Variants in SFXN5 observed in about 807,000 individuals in gnomAD.
The protein encoded by SFXN5 is sideroflexin-5.
In SFXN5, 43 loss-of-function variants were observed where a neutral mutation model predicts 50.2. The ratio of observed to expected loss-of-function variants is 0.86; its 90% CI spans 0.67 to 1.11. The LOEUF (loss-of-function observed/expected upper bound fraction) is 1.11, where lower values mean the gene tolerates loss of function less well. Among genes scored for constraint, SFXN5 ranks in the 50% least tolerant of loss-of-function variants. The pLI is 0.00. For synonymous variants in SFXN5, 203 were observed against 185.8 expected (o/e 1.09, Z -0.75); for missense variants, 463 against 454.1 (o/e 1.02, Z -0.18).
At chr2:73,059,197 G>A in intron 1 of SFXN5, 2 of 986,072 alleles carry the variant, frequency 2.0e-6, no homozygotes, top group Non-Finnish European at 2.4e-6. Flanking sequence ...GGAAAAGGAG[G>A]GCTTTATGCT....
Position 73,065,406 on chromosome 2 carries a change from A to AT in SFXN5, c.102+6197dup, listed in dbSNP as rs1023782636. ...ATGAGCCAACTGCACCTGGACAACAATTTTTTTTTTTGAGATAGAGTTTCG... is the reference window on the plus strand; with the variant it reads ...ATGAGCCAACTGCACCTGGACAACAATTTTTTTTTTTTGAGATAGAGTTTCG... On this transcript the variant is annotated intron_variant, in intron 1 of 13. Coordinates refer to ENST00000272433, the MANE Select transcript of SFXN5 (RefSeq NM_144579.3). 2.9e-4 allele frequency among the ~76,000 whole-genome samples: 41 copies of AT among 140,840 alleles called. No individual in the cohort carries two copies. In the South Asian group the frequency reaches 3.0e-3, roughly 10 times the overall value. 92.4% of individuals were successfully genotyped at this position (140,840 alleles called of 152,430 possible).
At chr2:73,061,351 GATGA>G (rs1682792343) in intron 1 of SFXN5, among the ~76,000 whole-genome samples, 1 of 150,722 alleles carries the variant, frequency 6.6e-6, no homozygotes, top group African/African-American at 2.4e-5. Flanking sequence ...TGTATTAGGA[GATGA>G]ATGAATACAA....
At chr2:72,957,117 C>T (rs1258386626) in intron 13 of SFXN5, 4 of 455,868 alleles carry the variant, frequency 8.8e-6, no homozygotes, top group African/African-American at 8.0e-5. Context: ...TAGTGGACCA[C>T]ATCCCCTTTC....
intron 2 of SFXN5, among the ~76,000 whole-genome samples, chr2:73,045,846 G>A (rs1010287452): frequency 1.6e-4 from 24 of 152,072 alleles, no homozygotes; most frequent in Admixed American, 3.9e-4. Context: ...GGTTCTACCT[G>A]TCTGTGCTGC....
At chr2:73,045,569 G>A (rs1374004609) in intron 2 of SFXN5, among the ~76,000 whole-genome samples, 2 of 152,082 alleles carry the variant, frequency 1.3e-5, no homozygotes, top group Non-Finnish European at 2.9e-5. Context: ...AACTGGCAGT[G>A]GGGCGTGCAG....
At chr2:72,968,122 A>AAC (rs34361357) in intron 12 of SFXN5, among the ~76,000 whole-genome samples, 33,272 of 137,012 alleles carry the variant, frequency 0.24, 4,128 homozygotes, top group Middle Eastern at 0.35. Flanking sequence ...CACACATGAA[A>AAC]ACACACACAC....
In SFXN5 at chr2:72,959,103, C is replaced by A. The variant is rs555789402; in HGVS notation, c.945+2028G>T. Among the ~76,000 whole-genome samples the A allele has an allele frequency of 2.0e-5, 3 of 152,336 alleles. No individual in the cohort carries two copies. The South Asian group carries it at 6.2e-4, about 32-fold the overall frequency. On this transcript the variant is annotated intron_variant, in intron 13 of 13. Coordinates refer to ENST00000272433, the MANE Select transcript of SFXN5 (RefSeq NM_144579.3). ...TCCAGGAGCCCTCACCTCTCCTCCA[C>A]CTCTCTTGGGGCCCTGCCTGAAGCA...
chr2:72,977,536 G>A (rs114753305), intron 10 of SFXN5, among the ~76,000 whole-genome samples: 1,651 of 152,202 alleles, frequency 0.011, 52 homozygotes, highest in Non-Finnish European at 8.6e-3. Context: ...ATAGGTTTTG[G>A]AGGCTAAACC....
At chr2:73,059,363 T>C (rs1030633574) in intron 1 of SFXN5, 16 of 985,278 alleles carry the variant, frequency 1.6e-5, no homozygotes, top group African/African-American at 1.7e-5. Flanking sequence ...CTGCAATCGC[T>C]GGGGTTCATG....
At chr2:73,070,898 G>A (rs1222647051) in intron 1 of SFXN5, 1 of 152,388 alleles carries the variant, frequency 6.6e-6, no homozygotes, top group South Asian at 2.1e-4. Flanking sequence ...CCCTCGGAGG[G>A]ACGACGGCCC....
At chr2:73,050,756 T>C (rs1681205073) in intron 2 of SFXN5, among the ~76,000 whole-genome samples, 1 of 152,236 alleles carries the variant, frequency 6.6e-6, no homozygotes, top group African/African-American at 2.4e-5. Context: ...CTAATCTCCT[T>C]ATCAAATGGT....
intron 9 of SFXN5, among the ~76,000 whole-genome samples, chr2:72,995,691 T>C (rs1370254109): frequency 6.6e-6 from 1 of 152,120 alleles, no homozygotes; most frequent in Non-Finnish European, 1.5e-5. Flanking sequence ...GGTCATCTCC[T>C]CCTAACAGGC....
At chr2:72,980,800 G>A (rs1297020346) in intron 10 of SFXN5, among the ~76,000 whole-genome samples, 4 of 152,010 alleles carry the variant, frequency 2.6e-5, no homozygotes, top group Non-Finnish European at 5.9e-5. Context: ...GCGACAACAT[G>A]CCCTCCTCTG....
At chr2:73,019,098 G>C (rs1478900171) in intron 6 of SFXN5, among the ~76,000 whole-genome samples, 1 of 152,142 alleles carries the variant, frequency 6.6e-6, no homozygotes, top group Non-Finnish European at 1.5e-5. Flanking sequence ...ATATTATACA[G>C]CAAACAGAAA....
intron 3 of SFXN5, among the ~76,000 whole-genome samples, chr2:73,037,389 G>A (rs943906460): frequency 7.2e-5 from 11 of 152,132 alleles, no homozygotes; most frequent in African/African-American, 2.7e-4. Context: ...CATAGAGATG[G>A]ATAGAAGAGA....
At position 72,973,884 on chromosome 2, in the gene SFXN5, T is replaced by C. The variant is rs1056745452; in HGVS notation, c.626-2199A>G. Among the ~76,000 whole-genome samples, 3 of 152,148 alleles carry C rather than the reference T, an allele frequency of 2.0e-5. No individual in the cohort carries two copies. Among genetic ancestry groups the C allele is most frequent in the African/African-American group, 7.2e-5 (3 of 41,430 alleles). Reference sequence around the variant, plus strand: ...CCTAAGAAAACCGTTGAGAGGACAGTGGGGTTTTCTGCCCTGAAAGGCATC... The same window carrying C: ...CCTAAGAAAACCGTTGAGAGGACAGCGGGGTTTTCTGCCCTGAAAGGCATC... On this transcript the variant is annotated intron_variant, in intron 10 of 13. Coordinates refer to ENST00000272433, the MANE Select transcript of SFXN5 (RefSeq NM_144579.3). The surrounding 1 kb of genome is among the most constrained non-coding windows in gnomAD (Gnocchi z 5.5).
At chr2:73,039,668 T>C (rs973692157) in intron 3 of SFXN5, among the ~76,000 whole-genome samples, 9 of 152,184 alleles carry the variant, frequency 5.9e-5, no homozygotes, top group African/African-American at 2.2e-4. Context: ...GTCTGAAAGA[T>C]AGAATATAAA....
intron 3 of SFXN5, among the ~76,000 whole-genome samples, chr2:73,029,352 G>C (rs1678003244): frequency 6.6e-6 from 1 of 152,140 alleles, no homozygotes; most frequent in East Asian, 1.9e-4. Flanking sequence ...AATGACATAT[G>C]CATATATAAA....
intron 1 of SFXN5, among the ~76,000 whole-genome samples, chr2:73,060,736 CTGT>C (rs1441980279): frequency 2.7e-5 from 4 of 147,616 alleles, no homozygotes; most frequent in African/African-American, 1.0e-4. Flanking sequence ...GGGTCTAACT[CTGT>C]TGCCCAGGCT....
Sources: allele counts gnomAD v4.1 joint callset (sites outside exome capture counted in the v4.1 genomes callset), GRCh38; gene constraint gnomAD v4.1.1; non-coding constraint Gnocchi (gnomAD v3.1); transcripts MANE v1.5; gene names NCBI Gene and HGNC (gene_info 2026-07-23, HGNC 2026-07-21).